The following COL9A3 variants were observed in gnomAD, a reference collection of about 807,000 sequenced individuals.
The protein encoded by COL9A3 is collagen type IX alpha 3 chain.
Under a neutral mutation model 110.2 loss-of-function variants are expected in COL9A3, and 82 were observed. The observed-to-expected ratio is 0.74, with a 90% CI of 0.62 to 0.89. COL9A3 has a LOEUF of 0.89. COL9A3 is among the 40% of genes least tolerant of loss of function. The pLI, the probability that COL9A3 is intolerant of heterozygous loss-of-function variation, is 0.00. For synonymous variants in COL9A3, 494 were observed against 403.8 expected, an observed-to-expected ratio of 1.22 and a Z score of -2.68; for missense variants, 1,066 against 981.3, an observed-to-expected ratio of 1.09 and a Z score of -1.15.
At chr20:62,819,429 C>T (rs1991047350) in intron 4 of COL9A3, 136 bp downstream of exon 4, 1 of 843,178 alleles carries the variant, frequency 1.2e-6, no homozygotes, top group African/African-American at 1.7e-5. Context: ...TCCAGAAGTC[C>T]CCAACAGGGG....
chr20:62,826,155 G>A (rs778499143), intron 13 of COL9A3, 49 bp from the exon 14 acceptor site: 18 of 1,538,126 alleles, frequency 1.2e-5, no homozygotes, highest in Non-Finnish European at 1.2e-5. Flanking sequence ...GGTGCTCCCC[G>A]GGGTGGAGGT....
intron 14 of COL9A3, among the ~76,000 whole-genome samples, chr20:62,826,506 T>C (rs1283629423): frequency 6.6e-6 from 1 of 152,168 alleles, no homozygotes; most frequent in Non-Finnish European, 1.5e-5. Flanking sequence ...TATTCACGCG[T>C]GTGCCCGGGC....
intron 29 of COL9A3, chr20:62,836,762 C>T (rs765278628): frequency 6.7e-5 from 42 of 623,764 alleles, no homozygotes; most frequent in African/African-American, 1.3e-4. Context: ...ATTCCCAGCA[C>T]GCAGCAGACG....
chr20:62,830,348 T>C lies in COL9A3; in HGVS notation c.1162-12T>C, dbSNP rs376624149. On this transcript the variant is annotated splice_polypyrimidine_tract_variant and intron_variant, in intron 22 of 31. Transcript: ENST00000649368. ...CTGAGACATCCGCTCACACCTCACC[T>C]TTGTCTTCCAGGGGGCCCTCGGCCC... 414 of 1,568,200 alleles carry C rather than the reference T, an allele frequency of 2.6e-4. No individual in the cohort carries two copies. Among genetic ancestry groups the C allele is most frequent in the Non-Finnish European group, 3.3e-4 (378 of 1,156,144 alleles).
chr20:62,819,409 G>T (rs1991046722), intron 4 of COL9A3, 116 bp downstream of exon 4: 2 of 1,027,418 alleles, frequency 1.9e-6, no homozygotes, highest in Admixed American at 2.0e-5. Context: ...GCCCAGTCCT[G>T]AGAGAAGTCT....
rs990122883 is a variant in COL9A3 at position 62,840,757 on chromosome 20, C to A, written c.*25C>A. On this transcript the variant is annotated 3_prime_UTR_variant, in exon 32 of 32. Transcript: ENST00000649368. ...AAATTCAACGTGAGGAAGCAAGTGA[C>A]AAGGACGCCCGAAGCACAGTGGACG... 1.3e-6 allele frequency: 2 copies of A among 1,553,048 alleles called. No individual in the cohort carries two copies. Among genetic ancestry groups the A allele is most frequent in the South Asian group, 2.4e-5 (2 of 84,224 alleles).
chr20:62,820,182 T>C (rs1333628209), intron 5 of COL9A3, among the ~76,000 whole-genome samples, 200 bp downstream of exon 5: 1 of 152,152 alleles, frequency 6.6e-6, no homozygotes, highest in Non-Finnish European at 1.5e-5. Flanking sequence ...CACCTCCACG[T>C]ATGGTCAGAG....
At chr20:62,839,202 A>G (rs950665969) in intron 31 of COL9A3, among the ~76,000 whole-genome samples, 3 of 151,548 alleles carry the variant, frequency 2.0e-5, no homozygotes, top group Non-Finnish European at 2.9e-5. Context: ...ACTGCCTTCC[A>G]GCCTGGCGAC....
At chr20:62,817,483 A>G (rs1000228277) in intron 1 of COL9A3, 84 bp from the exon 2 acceptor site, 6 of 1,014,590 alleles carry the variant, frequency 5.9e-6, no homozygotes, top group Admixed American at 4.2e-5. Flanking sequence ...CAGGCCCCGG[A>G]GCCGCTCGGG....
rs1391480171 is a variant in COL9A3 at position 62,827,307 on chromosome 20, G to A, written c.846+13G>A. On this transcript the variant is annotated intron_variant, in intron 16 of 31. Transcript: ENST00000649368. ...CAAGGGTGACCTCGTAAGTGAGAGG[G>A]AAGTTGGTTCCCTGGGTCCTTATGT... 10 of 1,612,824 alleles carry A rather than the reference G, an allele frequency of 6.2e-6. No homozygotes were observed. Among genetic ancestry groups the A allele is most frequent in the Non-Finnish European group, 8.5e-6 (10 of 1,179,842 alleles).
At position 62,836,315 on chromosome 20, in the gene COL9A3, G is replaced by A. The variant is rs753631418; in HGVS notation, c.1530G>A (p.Thr510=). The part of the protein sequence containing the change: ...LQGVPGVPGI[T]GKPGVPGKEA... ...GCGTCCCGGGTGTTCCTGGCATCAC[G>A]GGGAAGCCGGGAGTTCCGGTACGTC... The change falls in exon 28 of 32, where the codon ACG becomes ACA. Residue 510 remains threonine, a synonymous_variant. Coordinates refer to ENST00000649368, the MANE Select transcript of COL9A3 (RefSeq NM_001853.4). 1.7e-5 allele frequency: 28 copies of A among 1,613,786 alleles called. No individual in the cohort carries two copies. The East Asian group carries it at 3.1e-4, about 18-fold the overall frequency.
chr20:62,821,412 C>G (rs1013268768), intron 6 of COL9A3, 95 bp from the exon 7 acceptor site: 1 of 1,546,968 alleles, frequency 6.5e-7, no homozygotes, highest in African/African-American at 1.4e-5. Context: ...CTGGAACCGC[C>G]CTTTCCCCAG....
At chr20:62,820,650 C>T (rs1042740591) in intron 5 of COL9A3, among the ~76,000 whole-genome samples, 1 of 152,192 alleles carries the variant, frequency 6.6e-6, no homozygotes, top group African/African-American at 2.4e-5. Context: ...GCAGCCGAGT[C>T]CGTGGTGCCC....
chr20:62,840,243 T>G (rs2063665749), intron 31 of COL9A3, among the ~76,000 whole-genome samples: 1 of 143,320 alleles, frequency 7.0e-6, no homozygotes, highest in Non-Finnish European at 1.5e-5. Context: ...TCACTCCAAA[T>G]CCACTCCTTA....
intron 16 of COL9A3, 122 bp from the exon 17 acceptor site, chr20:62,827,801 C>CG: frequency 1.0e-6 from 1 of 997,258 alleles, no homozygotes; most frequent in Non-Finnish European, 1.6e-6. Context: ...GGGTGGTGGT[C>CG]GGGGGTGGCC....
intron 10 of COL9A3, among the ~76,000 whole-genome samples, chr20:62,823,321 G>C (rs2063525353): frequency 6.6e-6 from 1 of 152,212 alleles, no homozygotes; most frequent in Non-Finnish European, 1.5e-5. Context: ...GAGCAGCCAA[G>C]CTCAAGCCTG....
Position 62,829,566 on chromosome 20 carries a change from G to GA in COL9A3, c.1054-62_1054-61insA, listed in dbSNP as rs1026899586. On this transcript the variant is annotated intron_variant, in intron 20 of 31. Transcript: ENST00000649368. Reference sequence around the variant, plus strand: ...GGGGCCGGGAGGCAAGGGGCTGGGGGGCCAGCGACCTGGCCCCAGTGCAGG... The same window carrying GA: ...GGGGCCGGGAGGCAAGGGGCTGGGGGAGCCAGCGACCTGGCCCCAGTGCAGG... The GA allele has an allele frequency of 1.8e-4, 292 of 1,611,230 alleles. 1 individual carries two copies. The highest frequency in any genetic ancestry group is 4.3e-4 in the South Asian group (39 of 90,914).
rs201572795 is a variant in COL9A3, at chr20:62,837,100, G to A, written c.1621G>A (p.Ala541Thr). ...TCCCAAAGAACAAATTGCACAGTTA[G>A]CCGCGCACCTAAGGAAGCCTTTGGC... is the stretch of plus-strand genomic sequence containing the variant. The part of the protein sequence containing the change: ...GMISEQIAQL[A>T]AHLRKPLAPG... Residue 541 changes from alanine to threonine, a missense_variant, in exon 30 of 32, where the codon GCC becomes ACC. Transcript: ENST00000649368. 2.7e-4 allele frequency: 435 copies of A among 1,613,292 alleles called. No individual in the cohort carries two copies. Among genetic ancestry groups the A allele is most frequent in the Middle Eastern group, 2.3e-3 (14 of 6,084 alleles).
Position 62,822,101 on chromosome 20 carries a change from C to T in COL9A3, c.424-10C>T, listed in dbSNP as rs769826708. The T allele has an allele frequency of 1.5e-5, 23 of 1,526,238 alleles. No individual in the cohort carries two copies. The highest frequency in any genetic ancestry group is 1.7e-4 in the Middle Eastern group (1 of 5,862). 94.5% of individuals were successfully genotyped at this position (1,526,238 alleles called of 1,614,324 possible). ...GGTCCCACTCTGTCTAAGTCATACC[C>T]CCTCCCCAGGGACCTTCTGGACTCC... On this transcript the variant is annotated splice_polypyrimidine_tract_variant and intron_variant, in intron 8 of 31. Transcript: ENST00000649368.
Sources: gnomAD v4.1 joint callset for allele counts (sites outside exome capture counted in the v4.1 genomes callset) on GRCh38, gnomAD v4.1.1 for gene constraint, MANE v1.5 for transcripts, NCBI Gene and HGNC (gene_info 2026-07-23, HGNC 2026-07-21) for gene names.